Variants in KHDC1 observed in about 807,000 individuals in gnomAD.
KHDC1 encodes the protein KH homology domain-containing protein 1.
Under a neutral mutation model 24.7 loss-of-function variants are expected in KHDC1, and 21 were observed. That is an observed-to-expected ratio of 0.85 (90% CI 0.60 to 1.23). The LOEUF (loss-of-function observed/expected upper bound fraction) is 1.23. Ranked by LOEUF, KHDC1 falls within the 50% of genes most tolerant of loss-of-function variation. The pLI is 0.00. For synonymous variants in KHDC1, 98 were observed against 111.7 expected (o/e 0.88, Z 0.77); for missense variants, 274 against 298.5 (o/e 0.92, Z 0.61).
chr6:73,265,930 T>C (rs1767073014), intron 2 of KHDC1, among the ~76,000 whole-genome samples: 1 of 152,038 alleles, frequency 6.6e-6, no homozygotes, highest in Non-Finnish European at 1.5e-5. Flanking sequence ...CTTTTTCTTT[T>C]TTTTGGGGGG....
intron 1 of KHDC1, among the ~76,000 whole-genome samples, chr6:73,301,876 G>A (rs1301651376): frequency 6.6e-6 from 1 of 151,582 alleles, no homozygotes. Flanking sequence ...AAGCAATCCT[G>A]CCTCAGCCTC....
intron 2 of KHDC1, among the ~76,000 whole-genome samples, chr6:73,263,952 A>G (rs1210992397): frequency 6.6e-6 from 1 of 152,198 alleles, no homozygotes; most frequent in Admixed American, 6.5e-5. Flanking sequence ...TAATCCCAAC[A>G]CTTTGGGAGG....
intron 2 of KHDC1, among the ~76,000 whole-genome samples, chr6:73,271,387 T>C (rs1464856970): frequency 2.6e-5 from 4 of 151,564 alleles, no homozygotes; most frequent in Non-Finnish European, 4.4e-5. Flanking sequence ...TTTTGTATTT[T>C]TAGTAGACAC....
chr6:73,241,319 A>G, exon 5 of KHDC1: 1 of 540,000 alleles, frequency 1.9e-6, no homozygotes. Flanking sequence ...AAGGCTTTGC[A>G]TCATAGGTAG....
chr6:73,268,606 G>C (rs1182867040), intron 2 of KHDC1: 2 of 152,162 alleles, frequency 1.3e-5, no homozygotes, highest in Non-Finnish European at 2.9e-5. Flanking sequence ...AGGTTCTCCG[G>C]GTCCCCACTA....
rs1045486858 is a variant in KHDC1 at position 73,241,363 on chromosome 6, T to C, written c.*166A>G. 6.4e-6 allele frequency: 4 copies of C among 628,622 alleles called. No individual in the cohort carries two copies. The African/African-American group carries it at 7.3e-5, about 12-fold the overall frequency. The allele number at this position is 628,622 out of a possible 1,614,324, so 38.9% of individuals were successfully genotyped here. On this transcript the variant is annotated 3_prime_UTR_variant, in exon 5 of 5. Transcript: ENST00000370384. ...ATTGGATTGCTTTGCCAATAACACT[T>C]TCTTACATTCAAGAGACTTCCCTCA...
intron 2 of KHDC1, among the ~76,000 whole-genome samples, chr6:73,246,882 G>C (rs1766677041): frequency 6.6e-6 from 1 of 151,328 alleles, no homozygotes; most frequent in Non-Finnish European, 1.5e-5. Flanking sequence ...ATTAACAGTG[G>C]TCATTCCAAG....
intron 2 of KHDC1, chr6:73,269,249 C>T (rs1244540813): frequency 1.3e-5 from 2 of 152,694 alleles, no homozygotes; most frequent in African/African-American, 4.8e-5. Flanking sequence ...CCGCTCGCGC[C>T]TCTCCCTCCA....
chr6:73,282,932 C>T (rs574807979), intron 2 of KHDC1, among the ~76,000 whole-genome samples: 5 of 152,184 alleles, frequency 3.3e-5, no homozygotes, highest in Admixed American at 1.3e-4. Context: ...GCCTGTTCTA[C>T]GTGAATTACT....
chr6:73,310,006 C>T (rs1582596059), exon 1 of KHDC1: 1 of 367,054 alleles, frequency 2.7e-6, no homozygotes, highest in Non-Finnish European at 4.9e-6. Flanking sequence ...TGATAACATC[C>T]ACAACGCCAC....
intron 2 of KHDC1, chr6:73,263,156 G>A (rs981010270): frequency 1.1e-4 from 111 of 987,534 alleles, no homozygotes; most frequent in Non-Finnish European, 1.3e-4. Flanking sequence ...CAGGGGTCCC[G>A]GCTCGCGCCG....
At chr6:73,242,106 G>T in exon 4 of KHDC1, 1 of 1,613,806 alleles carries the variant, frequency 6.2e-7, no homozygotes, top group Non-Finnish European at 8.5e-7. Context: ...AACATGTGCA[G>T]CAGCCACTGC....
chr6:73,241,710 C>T lies in KHDC1; in HGVS notation c.533G>A (p.Arg178His), dbSNP rs761326459. 1.7e-5 allele frequency: 28 copies of T among 1,614,032 alleles called. No homozygotes were observed. The highest frequency in any genetic ancestry group is 1.5e-4 in the Admixed American group (9 of 59,996). The change falls in exon 5 of 5, where the codon CGT becomes CAT. Residue 178 changes from arginine to histidine, a missense_variant. Transcript: ENST00000370384. ...GTTGGTCAGAGGCTGGCTTCGGACA[C>T]GTTCCAGCATCTCCAGGCCTGCAAA...
At chr6:73,309,830 T>C in exon 1 of KHDC1, 1 of 1,284,940 alleles carries the variant, frequency 7.8e-7, no homozygotes, top group Non-Finnish European at 1.1e-6. Context: ...AGAAGCGAAG[T>C]TCAGGACGCG....
chr6:73,271,073 G>C (rs1286051345), intron 2 of KHDC1, among the ~76,000 whole-genome samples: 1 of 152,134 alleles, frequency 6.6e-6, no homozygotes, highest in East Asian at 1.9e-4. Context: ...ACTGCAAGTT[G>C]TCACCCATTA....
At chr6:73,259,601 A>C (rs1256776471) in intron 2 of KHDC1, among the ~76,000 whole-genome samples, 1 of 152,202 alleles carries the variant, frequency 6.6e-6, no homozygotes, top group Admixed American at 6.5e-5. Flanking sequence ...ATCGAAGGGA[A>C]TGCAGAAGCA....
intron 2 of KHDC1, among the ~76,000 whole-genome samples, chr6:73,243,257 T>A (rs1766608834): frequency 6.6e-6 from 1 of 152,232 alleles, no homozygotes; most frequent in African/African-American, 2.4e-5. Flanking sequence ...CAACCTTGAC[T>A]GGTTAAAATA....
chr6:73,277,687 TA>T (rs60748912), intron 2 of KHDC1, among the ~76,000 whole-genome samples: 6,673 of 151,466 alleles, frequency 0.044, 358 homozygotes, highest in African/African-American at 0.12. Context: ...CTTGTCTCTA[TA>T]AAAAAAACTT....
rs1363056357 is a variant in KHDC1 at position 73,290,652 on chromosome 6, T to G, written c.206+1346A>C. ...GATGTGTCATATCCTGCAGGAATAC[T>G]AGCTAGTGGGCTGTGCTGAAGTTTG... On this transcript the variant is annotated intron_variant, in intron 2 of 4. Coordinates refer to ENST00000370384, the Ensembl canonical transcript of KHDC1. 5 of 493,784 alleles carry G rather than the reference T, an allele frequency of 1.0e-5. No individual in the cohort carries two copies. The Admixed American group carries it at 1.1e-4, about 11-fold the overall frequency. 30.6% of individuals were successfully genotyped at this position (493,784 alleles called of 1,614,324 possible). A position where few individuals can be genotyped will look rare whatever the true frequency, so the allele number is the denominator to read the frequency against.
Sources: allele counts gnomAD v4.1 joint callset (sites outside exome capture counted in the v4.1 genomes callset), GRCh38; gene constraint gnomAD v4.1.1; transcripts MANE v1.5; gene names NCBI Gene and HGNC (gene_info 2026-07-23, HGNC 2026-07-21).